Variants in RAP1GAP2 observed in about 807,000 individuals in gnomAD.
RAP1GAP2 encodes RAP1 GTPase activating protein 2, also known as rap1 GTPase-activating protein 2.
In RAP1GAP2, 27 loss-of-function variants were observed where a neutral mutation model predicts 95.0. That is an observed-to-expected ratio of 0.28 (90% CI 0.21 to 0.39). RAP1GAP2 has a LOEUF of 0.39. Among genes scored for constraint, RAP1GAP2 ranks in the 10% least tolerant of loss-of-function variants. The probability of loss-of-function intolerance (pLI) is 1.00; values close to 1 mark genes in which losing one functional copy is unlikely to be tolerated. For missense variants in RAP1GAP2, 771 were observed against 970.0 expected (o/e 0.79, Z 2.72); for synonymous variants, 373 against 380.9 (o/e 0.98, Z 0.24).
chr17:2,823,298 A>C (rs59016776), intron 2 of RAP1GAP2, among the ~76,000 whole-genome samples: 28,212 of 151,998 alleles, frequency 0.19, 2,979 homozygotes, highest in South Asian at 0.35. Flanking sequence ...TTGGTCTCCC[A>C]CCCCGGGGCC....
intron 2 of RAP1GAP2, among the ~76,000 whole-genome samples, chr17:2,874,035 C>T (rs1342313948): frequency 6.6e-6 from 1 of 152,166 alleles, no homozygotes; most frequent in Non-Finnish European, 1.5e-5. Flanking sequence ...CTCAGCCTCC[C>T]AAAGTGCTGG....
At chr17:2,896,363 C>T (rs1446210643) in intron 2 of RAP1GAP2, among the ~76,000 whole-genome samples, 1 of 152,210 alleles carries the variant, frequency 6.6e-6, no homozygotes, top group African/African-American at 2.4e-5. Flanking sequence ...CCCCTCCTCG[C>T]TCCCTGCTGT....
At chr17:2,961,700 TG>T (rs2044334350) in intron 4 of RAP1GAP2, among the ~76,000 whole-genome samples, 1 of 152,140 alleles carries the variant, frequency 6.6e-6, no homozygotes, top group Admixed American at 6.5e-5. Flanking sequence ...CAGATGACAC[TG>T]GGGGCTCCAA....
chr17:3,005,835 G>T lies in RAP1GAP2; in HGVS notation c.1273-120G>T. On this transcript the variant is annotated intron_variant, in intron 15 of 24. Transcript: ENST00000254695. The surrounding 1 kb of genome is among the most constrained non-coding windows in gnomAD (Gnocchi z 5.2). ...CCTGGGCTAGAAATGATCCGCTGTCGGAAGGGACTTTTCAGGGGTTCTCCC... is the reference window on the plus strand; with the variant it reads ...CCTGGGCTAGAAATGATCCGCTGTCTGAAGGGACTTTTCAGGGGTTCTCCC... The T allele has an allele frequency of 5.3e-6, 5 of 943,940 alleles. 1 individual carries two copies. The South Asian group carries it at 5.3e-5, about 10-fold the overall frequency. The allele number at this position is 943,940 out of a possible 1,614,324, so 58.5% of individuals were successfully genotyped here.
chr17:3,030,714 T>C (rs2047263986), intron 22 of RAP1GAP2, among the ~76,000 whole-genome samples: 1 of 152,192 alleles, frequency 6.6e-6, no homozygotes, highest in African/African-American at 2.4e-5. Context: ...AATTCAACTT[T>C]AAAAAATGGC....
At chr17:2,924,190 G>C (rs946800412) in intron 3 of RAP1GAP2, among the ~76,000 whole-genome samples, 3 of 152,162 alleles carry the variant, frequency 2.0e-5, no homozygotes, top group African/African-American at 4.8e-5. Context: ...TTGGAGGAGA[G>C]AGGGTGCAGT....
intron 14 of RAP1GAP2, 29 bp downstream of exon 14, chr17:2,998,405 G>A: frequency 1.2e-6 from 2 of 1,610,426 alleles, no homozygotes; most frequent in Non-Finnish European, 8.5e-7. Context: ...TGGAGGGAGT[G>A]GTGGGCCTCG....
intron 1 of RAP1GAP2, among the ~76,000 whole-genome samples, chr17:2,760,857 G>T (rs2071232754): frequency 6.6e-6 from 1 of 152,146 alleles, no homozygotes; most frequent in South Asian, 2.1e-4. Flanking sequence ...CACTCACTCA[G>T]TTGGGATTTC....
intron 3 of RAP1GAP2, among the ~76,000 whole-genome samples, chr17:2,923,764 A>G (rs950242766): frequency 2.0e-5 from 3 of 152,228 alleles, no homozygotes; most frequent in Non-Finnish European, 4.4e-5. Flanking sequence ...TGTAAAGTAC[A>G]GAGAAAATAA....
chr17:2,920,488 C>T (rs2042724996), intron 3 of RAP1GAP2, among the ~76,000 whole-genome samples: 1 of 152,232 alleles, frequency 6.6e-6, no homozygotes, highest in Non-Finnish European at 1.5e-5. Flanking sequence ...CCTGCCTCCC[C>T]CGCTGGATGG....
chr17:2,974,771 G>C (rs1414422935), intron 8 of RAP1GAP2, among the ~76,000 whole-genome samples: 1 of 151,512 alleles, frequency 6.6e-6, no homozygotes, highest in Non-Finnish European at 1.5e-5. Flanking sequence ...AATATAAATA[G>C]GTGTATTGGA....
chr17:2,941,079 C>T (rs1026525736), intron 3 of RAP1GAP2, among the ~76,000 whole-genome samples: 6 of 152,164 alleles, frequency 3.9e-5, no homozygotes, highest in South Asian at 2.1e-4. Flanking sequence ...TTTTAAGCTG[C>T]GAACTGATCT....
Position 2,957,540 on chromosome 17 carries a change from C to T in RAP1GAP2, c.166-219C>T, listed in dbSNP as rs28527228. ...CTGCTCCCCCAGCACCATTCATTTG[C>T]CAGCCCAGGTGTGCCTTAGCCTCTC... is the stretch of plus-strand genomic sequence containing the variant. On this transcript the variant is annotated intron_variant, in intron 3 of 24. Coordinates refer to ENST00000254695, the MANE Select transcript of RAP1GAP2 (RefSeq NM_015085.5). 6.0e-3 allele frequency among the ~76,000 whole-genome samples: 910 copies of T among 152,322 alleles called. 9 individuals carry two copies. The highest frequency in any genetic ancestry group is 0.02 in the African/African-American group (818 of 41,578).
intron 2 of RAP1GAP2, among the ~76,000 whole-genome samples, chr17:2,806,693 G>A (rs2069536477): frequency 6.6e-6 from 1 of 150,768 alleles, no homozygotes; most frequent in South Asian, 2.1e-4. Flanking sequence ...CACTGGGCCT[G>A]GTCTATTATT....
chr17:2,893,141 C>A (rs566626003), intron 2 of RAP1GAP2, among the ~76,000 whole-genome samples: 1 of 152,144 alleles, frequency 6.6e-6, no homozygotes, highest in African/African-American at 2.4e-5. Context: ...GATTCTCCTG[C>A]CTCAGCCTCC....
upstream of RAP1GAP2, among the ~76,000 whole-genome samples, chr17:2,795,980 G>T (rs181951361): frequency 6.6e-6 from 1 of 152,196 alleles, no homozygotes; most frequent in Non-Finnish European, 1.5e-5. Flanking sequence ...TTACATCCAC[G>T]TGTGCTAGTG....
At chr17:2,845,273 G>A (rs1478226226) in intron 2 of RAP1GAP2, among the ~76,000 whole-genome samples, 1 of 152,166 alleles carries the variant, frequency 6.6e-6, no homozygotes, top group African/African-American at 2.4e-5. Flanking sequence ...CTCCAGAGTA[G>A]CTGGGATTAC....
At chr17:2,959,703 G>A (rs2044241599) in intron 4 of RAP1GAP2, among the ~76,000 whole-genome samples, 1 of 152,242 alleles carries the variant, frequency 6.6e-6, no homozygotes, top group African/African-American at 2.4e-5. Flanking sequence ...GAAGGCAGAA[G>A]CTTTGGATTC....
intron 3 of RAP1GAP2, among the ~76,000 whole-genome samples, chr17:2,937,151 C>T (rs1307003760): frequency 1.3e-5 from 2 of 152,084 alleles, no homozygotes; most frequent in Non-Finnish European, 2.9e-5. Flanking sequence ...AAGTTAAGAC[C>T]TAAAGGCCAA....
Sources: gnomAD v4.1 joint callset for allele counts (sites outside exome capture counted in the v4.1 genomes callset) on GRCh38, gnomAD v4.1.1 for gene constraint, Gnocchi (gnomAD v3.1) non-coding constraint, MANE v1.5 for transcripts, NCBI Gene and HGNC (gene_info 2026-07-23, HGNC 2026-07-21) for gene names.